Variants in GCLM observed in about 807,000 individuals in gnomAD.
GCLM encodes glutamate-cysteine ligase modifier subunit, also known as glutamate--cysteine ligase regulatory subunit.
GCLM carries 15 observed loss-of-function variants against 36.0 expected under a neutral mutation model. The observed-to-expected ratio is 0.42, with a 90% CI of 0.28 to 0.64. GCLM has a LOEUF of 0.64. GCLM is among the 30% of genes least tolerant of loss of function. GCLM has a pLI of 0.25. For synonymous variants in GCLM, 129 were observed against 122.8 expected, an observed-to-expected ratio of 1.05 and a Z score of -0.34; for missense variants, 242 against 325.5, an observed-to-expected ratio of 0.74 and a Z score of 1.97.
chr1:93,889,180 C>G (rs377480982), intron 6 of GCLM, 21 bp from the exon 7 acceptor site: 11 of 1,528,098 alleles, frequency 7.2e-6, no homozygotes, highest in African/African-American at 1.4e-5. Flanking sequence ...CAACAACAAA[C>G]AAAACTCCAG....
At chr1:93,895,822 C>T (rs1234467104) in intron 5 of GCLM, among the ~76,000 whole-genome samples, 1 of 152,118 alleles carries the variant, frequency 6.6e-6, no homozygotes. Flanking sequence ...ATGACACTCA[C>T]TCCATATCAA....
In GCLM at chr1:93,887,594, C is replaced by T. The variant is rs1223107333; in HGVS notation, c.*1396G>A. On this transcript the variant is annotated 3_prime_UTR_variant, in exon 7 of 7. Transcript: ENST00000370238. ...CAAGCGATTCTCCTGCCTCAGCCTC[C>T]CAAGTAGCTGAGATTACAGGCGAGT... The T allele has an allele frequency of 2.6e-5, 4 of 152,090 alleles. No individual in the cohort carries two copies. The highest frequency in any genetic ancestry group is 4.4e-5 in the Non-Finnish European group (3 of 68,214). The allele number at this position is 152,090 out of a possible 1,614,324, so 9.4% of individuals were successfully genotyped here. A position where few individuals can be genotyped will look rare whatever the true frequency, so the allele number is the denominator to read the frequency against.
rs1465888857 is a variant in GCLM, at chr1:93,887,689, C to CA, written c.*1300dup. ...TTTACCATGTTGGTCAGGCTGGTCT[C>CA]AAACTCCTGACCTCGTGATCTGCCC... On this transcript the variant is annotated 3_prime_UTR_variant, in exon 7 of 7. Transcript: ENST00000370238. The CA allele has an allele frequency of 1.3e-5, 2 of 151,900 alleles. No homozygotes were observed. Among genetic ancestry groups the CA allele is most frequent in the Non-Finnish European group, 2.9e-5 (2 of 67,968 alleles). The allele number at this position is 151,900 out of a possible 1,614,324, so 9.4% of individuals were successfully genotyped here.
At chr1:93,895,858 A>C (rs1427212441) in intron 5 of GCLM, among the ~76,000 whole-genome samples, 1 of 152,206 alleles carries the variant, frequency 6.6e-6, no homozygotes, top group Non-Finnish European at 1.5e-5. Context: ...AGTCTTACAC[A>C]TCTTTGAATA....
At chr1:93,898,040 GTTTTAA>G (rs1656797328) in intron 3 of GCLM, 142 bp from the exon 4 acceptor site, 10 of 449,128 alleles carry the variant, frequency 2.2e-5, no homozygotes, top group South Asian at 5.8e-5. Context: ...TAACTTTATA[GTTTTAA>G]TTTTAAGACA....
chr1:93,902,492 T>A (rs1197524890), intron 2 of GCLM, among the ~76,000 whole-genome samples: 6 of 151,716 alleles, frequency 4.0e-5, no homozygotes, highest in Non-Finnish European at 5.9e-5. Context: ...TTTTTTTTTT[T>A]AAATATACTT....
chr1:93,889,578 CATAT>C (rs147435328), intron 6 of GCLM, among the ~76,000 whole-genome samples: 1 of 149,148 alleles, frequency 6.7e-6, no homozygotes. Context: ...TATATATCTT[CATAT>C]ATATATATAT....
intron 2 of GCLM, among the ~76,000 whole-genome samples, 200 bp from the exon 3 acceptor site, chr1:93,901,869 G>A (rs553549055): frequency 1.3e-5 from 2 of 152,010 alleles, no homozygotes; most frequent in East Asian, 3.9e-4. Flanking sequence ...GTGTGTTTGT[G>A]TGTGTGTATC....
At chr1:93,908,763 T>G in intron 1 of GCLM, 1 of 251,746 alleles carries the variant, frequency 4.0e-6, no homozygotes, top group African/African-American at 2.2e-5. Flanking sequence ...ACCCAGGATG[T>G]TTGAGAGTTT....
chr1:93,900,895 G>A (rs767399755), intron 3 of GCLM, among the ~76,000 whole-genome samples: 2 of 152,158 alleles, frequency 1.3e-5, no homozygotes, highest in Non-Finnish European at 2.9e-5. Context: ...AGAAGCCGGA[G>A]AAACAGGTAC....
At chr1:93,895,957 T>C (rs970262023) in intron 5 of GCLM, among the ~76,000 whole-genome samples, 5 of 134,322 alleles carry the variant, frequency 3.7e-5, no homozygotes, top group African/African-American at 9.1e-5. Context: ...AAGAAGGTTT[T>C]TCTTTCTTTT....
intron 2 of GCLM, 61 bp downstream of exon 2, chr1:93,904,462 C>A: frequency 9.5e-7 from 1 of 1,052,334 alleles, no homozygotes; most frequent in Non-Finnish European, 1.5e-6. Context: ...AAGAAATTAA[C>A]TTCCTGTTTA....
intron 3 of GCLM, among the ~76,000 whole-genome samples, chr1:93,899,618 C>T (rs372216113): frequency 2.0e-5 from 3 of 152,116 alleles, no homozygotes; most frequent in African/African-American, 4.8e-5. Flanking sequence ...AAGCATGTGA[C>T]GTTTTGTGTG....
intron 3 of GCLM, among the ~76,000 whole-genome samples, chr1:93,899,667 A>G (rs1458419446): frequency 2.0e-5 from 3 of 152,286 alleles, no homozygotes; most frequent in Non-Finnish European, 4.4e-5. Flanking sequence ...CCAGTTTACC[A>G]CACCACCACC....
chr1:93,906,462 A>T (rs1202942197), intron 1 of GCLM, among the ~76,000 whole-genome samples: 2 of 152,202 alleles, frequency 1.3e-5, no homozygotes, highest in Non-Finnish European at 1.5e-5. Flanking sequence ...TCATTTGCAC[A>T]CTTGAGGCTT....
At chr1:93,895,775 G>GTTAT (rs1656704546) in intron 5 of GCLM, among the ~76,000 whole-genome samples, 1 of 152,092 alleles carries the variant, frequency 6.6e-6, no homozygotes, top group Non-Finnish European at 1.5e-5. Context: ...TAATAATTTT[G>GTTAT]TAGGTTATTA....
chr1:93,909,218 C>CA lies in GCLM; in HGVS notation c.-56dup. On this transcript the variant is annotated 5_prime_UTR_variant, in exon 1 of 7. Coordinates refer to ENST00000370238, the MANE Select transcript of GCLM (RefSeq NM_002061.4). Reference sequence around the variant, plus strand: ...AAGGGGCTGCGGGCGGGCGGGCAGGCAGGCGGCCGCCCCACAGGACGCGGT... The same window carrying CA: ...AAGGGGCTGCGGGCGGGCGGGCAGGCAAGGCGGCCGCCCCACAGGACGCGGT... 1 of 1,135,274 alleles carries CA rather than the reference C, an allele frequency of 8.8e-7. No individual in the cohort carries two copies. The highest frequency in any genetic ancestry group is 1.1e-6 in the Non-Finnish European group (1 of 929,028). 70.3% of individuals were successfully genotyped at this position (1,135,274 alleles called of 1,614,324 possible).
intron 1 of GCLM, 120 bp from the exon 2 acceptor site, chr1:93,904,708 T>C: frequency 7.5e-6 from 5 of 665,490 alleles, no homozygotes; most frequent in East Asian, 5.6e-5. Context: ...GGAAATACCA[T>C]ACAAACCCCA....
In GCLM at chr1:93,902,830, C is replaced by T. The variant is rs78023513; in HGVS notation, c.193-1161G>A. On this transcript the variant is annotated intron_variant, in intron 2 of 6. Coordinates refer to ENST00000370238, the MANE Select transcript of GCLM (RefSeq NM_002061.4). ...GCTCTGCCTATTCATCCCTCCGTCC[C>T]TGCTAACCCCTGGCAACAACTGATC... Among the ~76,000 whole-genome samples, 1,341 of 148,236 alleles carry T rather than the reference C, an allele frequency of 9.0e-3. 18 individuals are homozygous for T. The highest frequency in any genetic ancestry group is 0.033 in the African/African-American group (1,299 of 39,824).
Sources: allele counts gnomAD v4.1 joint callset (sites outside exome capture counted in the v4.1 genomes callset), GRCh38; gene constraint gnomAD v4.1.1; transcripts MANE v1.5; gene names NCBI Gene and HGNC (gene_info 2026-07-23, HGNC 2026-07-21).